PKIB: variants seen among roughly 807,000 people sequenced by gnomAD.
PKIB encodes PKI-beta.
In PKIB, 2 loss-of-function variants were observed where a neutral mutation model predicts 4.5. The observed-to-expected ratio is 0.44, with a 90% CI of 0.18 to 1.39. The LOEUF is 1.39. PKIB is among the 40% of genes most tolerant of loss of function. The probability of loss-of-function intolerance (pLI) is 0.27; values close to 1 mark genes in which losing one functional copy is unlikely to be tolerated. For synonymous variants in PKIB, 38 were observed against 36.0 expected (o/e 1.06, Z -0.20); for missense variants, 94 against 92.6 (o/e 1.02, Z -0.06).
At chr6:122,703,253 A>G (rs944302363) in intron 3 of PKIB, among the ~76,000 whole-genome samples, 1 of 152,292 alleles carries the variant, frequency 6.6e-6, no homozygotes, top group East Asian at 1.9e-4. Flanking sequence ...GCCTTAATAT[A>G]TTTGAAAAGA....
intron 2 of PKIB, among the ~76,000 whole-genome samples, chr6:122,515,872 C>T (rs766689491): frequency 1.3e-5 from 2 of 152,036 alleles, no homozygotes; most frequent in Admixed American, 1.3e-4. Context: ...CGCACCACCA[C>T]GCCCTGCTAA....
chr6:122,664,792 T>G (rs982845730), intron 2 of PKIB, among the ~76,000 whole-genome samples: 2 of 152,210 alleles, frequency 1.3e-5, no homozygotes, highest in Non-Finnish European at 2.9e-5. Flanking sequence ...TGTAATGCCT[T>G]AAAGTGAAGC....
At chr6:122,622,111 A>G (rs1249331652) in intron 1 of PKIB, among the ~76,000 whole-genome samples, 1 of 152,210 alleles carries the variant, frequency 6.6e-6, no homozygotes, top group Non-Finnish European at 1.5e-5. Flanking sequence ...CCCTTCCTAG[A>G]AATTGCTGTA....
chr6:122,529,474 A>G (rs985903174), intron 2 of PKIB, among the ~76,000 whole-genome samples: 1 of 152,182 alleles, frequency 6.6e-6, no homozygotes, highest in Admixed American at 6.6e-5. Flanking sequence ...TTACAATAAT[A>G]CAAGTCACGA....
intron 2 of PKIB, among the ~76,000 whole-genome samples, chr6:122,511,343 G>A (rs1166828443): frequency 6.6e-6 from 1 of 152,134 alleles, no homozygotes; most frequent in Non-Finnish European, 1.5e-5. Flanking sequence ...CACACTTCAA[G>A]AGCTGCCATG....
chr6:122,548,486 ATATT>A (rs1772574182), intron 2 of PKIB, among the ~76,000 whole-genome samples: 1 of 152,226 alleles, frequency 6.6e-6, no homozygotes, highest in African/African-American at 2.4e-5. Flanking sequence ...AGGACATCAA[ATATT>A]TATTCTAGCT....
intron 1 of PKIB, among the ~76,000 whole-genome samples, chr6:122,623,366 G>C (rs1339126048): frequency 6.6e-6 from 1 of 152,100 alleles, no homozygotes; most frequent in African/African-American, 2.4e-5. Flanking sequence ...TTAAGATCCA[G>C]GCACATATTT....
intron 1 of PKIB, among the ~76,000 whole-genome samples, chr6:122,621,774 A>G (rs920422089): frequency 1.3e-5 from 2 of 152,252 alleles, no homozygotes; most frequent in African/African-American, 2.4e-5. Flanking sequence ...ACTTGATTGA[A>G]CGTTTCAAAT....
chr6:122,532,292 T>G (rs1348643117), intron 2 of PKIB, among the ~76,000 whole-genome samples: 1 of 152,228 alleles, frequency 6.6e-6, no homozygotes, highest in Non-Finnish European at 1.5e-5. Context: ...ATTAGTTCTC[T>G]ATCACTCTTT....
chr6:122,544,944 A>G (rs1772445306), intron 2 of PKIB, among the ~76,000 whole-genome samples: 1 of 152,126 alleles, frequency 6.6e-6, no homozygotes, highest in Non-Finnish European at 1.5e-5. Flanking sequence ...ATGAGATACC[A>G]TCTTGCACTG....
rs576613177 is a variant in PKIB at position 122,671,918 on chromosome 6, T to C, written c.-75-3160T>C. Among the ~76,000 whole-genome samples the C allele has an allele frequency of 3.9e-5, 6 of 152,252 alleles. No homozygotes were observed. The South Asian group carries it at 1.2e-3, about 32-fold the overall frequency. Reference sequence around the variant, plus strand: ...ATATATATTTGGAAGAAAAAATAAGTATTTATTGTTTTACCAAACCCTAGT... The same window carrying C: ...ATATATATTTGGAAGAAAAAATAAGCATTTATTGTTTTACCAAACCCTAGT... On this transcript the variant is annotated intron_variant, in intron 2 of 4. Coordinates refer to ENST00000368452, the MANE Select transcript of PKIB (RefSeq NM_181795.3).
chr6:122,587,785 G>T (rs966231526), intron 3 of PKIB, among the ~76,000 whole-genome samples: 58 of 152,170 alleles, frequency 3.8e-4, no homozygotes, highest in Non-Finnish European at 6.5e-4. Context: ...CAGTGATGAT[G>T]AGCATTTTTT....
chr6:122,706,288 A>G (rs996548306), intron 3 of PKIB, among the ~76,000 whole-genome samples: 1 of 152,172 alleles, frequency 6.6e-6, no homozygotes, highest in East Asian at 1.9e-4. Context: ...AATATATCAT[A>G]TATTTACTTC....
intron 2 of PKIB, among the ~76,000 whole-genome samples, chr6:122,508,933 T>C (rs184961378): frequency 1.3e-5 from 2 of 152,196 alleles, no homozygotes; most frequent in Admixed American, 1.3e-4. Flanking sequence ...GTATTTTTAG[T>C]AGAGACGGGG....
chr6:122,610,975 A>AG (rs1386547070), intron 1 of PKIB, among the ~76,000 whole-genome samples: 10 of 152,236 alleles, frequency 6.6e-5, no homozygotes, highest in Non-Finnish European at 1.5e-4. Context: ...CCCGAGTACT[A>AG]ACCCGCTCGG....
At chr6:122,552,856 C>G (rs961663639) in intron 2 of PKIB, among the ~76,000 whole-genome samples, 4 of 152,150 alleles carry the variant, frequency 2.6e-5, no homozygotes, top group Non-Finnish European at 5.9e-5. Context: ...GGATCTCAGT[C>G]TTTAGGGCTA....
intron 2 of PKIB, among the ~76,000 whole-genome samples, chr6:122,520,859 T>C (rs757231786): frequency 1.3e-5 from 2 of 152,196 alleles, no homozygotes; most frequent in African/African-American, 2.4e-5. Context: ...GCTTTGGGAT[T>C]TGATGAACTC....
At chr6:122,677,039 A>G (rs975059251) in intron 3 of PKIB, among the ~76,000 whole-genome samples, 3 of 152,174 alleles carry the variant, frequency 2.0e-5, no homozygotes, top group Admixed American at 6.5e-5. Flanking sequence ...AAGCATATAT[A>G]TGCTATGTTA....
At chr6:122,605,775 G>C (rs920024856), upstream of PKIB, among the ~76,000 whole-genome samples, 1 of 152,164 alleles carries the variant, frequency 6.6e-6, no homozygotes, top group African/African-American at 2.4e-5. Context: ...CCCCAAGGCA[G>C]ATAGCTACTC....
Sources: allele counts gnomAD v4.1 joint callset (sites outside exome capture counted in the v4.1 genomes callset), GRCh38; gene constraint gnomAD v4.1.1; transcripts MANE v1.5; gene names NCBI Gene and HGNC (gene_info 2026-07-23, HGNC 2026-07-21).